Variants in CSMD1 observed in about 807,000 individuals in gnomAD.
The protein encoded by CSMD1 is CUB and sushi domain-containing protein 1.
Under a neutral mutation model 417.5 loss-of-function variants are expected in CSMD1, and 213 were observed. The ratio of observed to expected loss-of-function variants is 0.51; its 90% CI spans 0.46 to 0.57. The LOEUF (loss-of-function observed/expected upper bound fraction) is 0.57. Among genes scored for constraint, CSMD1 ranks in the 20% least tolerant of loss-of-function variants. CSMD1 has a pLI of 0.00. For missense variants in CSMD1, 6,923 were observed against 4,529.7 expected, an observed-to-expected ratio of 1.53 and a Z score of -15.17; for synonymous variants, 2,862 against 1,736.8, an observed-to-expected ratio of 1.65 and a Z score of -16.11.
intron 2 of CSMD1, among the ~76,000 whole-genome samples, chr8:4,598,214 T>A (rs199921850): frequency 6.6e-6 from 1 of 152,176 alleles, no homozygotes; most frequent in East Asian, 1.9e-4. Flanking sequence ...GATGAATATT[T>A]ACATGCCTGA....
At chr8:4,370,025 T>C (rs1230574460) in intron 3 of CSMD1, among the ~76,000 whole-genome samples, 6 of 152,198 alleles carry the variant, frequency 3.9e-5, no homozygotes, top group East Asian at 3.9e-4. Context: ...CTTAGTTGTA[T>C]AGTTGATTTA....
At chr8:3,771,188 C>T (rs1027899917) in intron 5 of CSMD1, among the ~76,000 whole-genome samples, 6 of 152,010 alleles carry the variant, frequency 3.9e-5, no homozygotes, top group Non-Finnish European at 5.9e-5. Context: ...TGGGGAAAAA[C>T]GATGACTACT....
chr8:4,349,069 G>A (rs1034821126), intron 3 of CSMD1, among the ~76,000 whole-genome samples: 1 of 152,184 alleles, frequency 6.6e-6, no homozygotes, highest in South Asian at 2.1e-4. Flanking sequence ...TTATTAACAT[G>A]ACTCATGAAA....
At chr8:4,139,240 A>G (rs141744285) in intron 3 of CSMD1, among the ~76,000 whole-genome samples, 2 of 152,312 alleles carry the variant, frequency 1.3e-5, no homozygotes, top group African/African-American at 4.8e-5. Flanking sequence ...TTAAAGGCGA[A>G]TTTAGCTTCA....
chr8:4,939,149 T>C (rs1807816511), intron 1 of CSMD1, among the ~76,000 whole-genome samples: 1 of 152,220 alleles, frequency 6.6e-6, no homozygotes, highest in Non-Finnish European at 1.5e-5. Flanking sequence ...TTGATGCCAT[T>C]CATTTGTCTA....
At chr8:4,262,015 A>C (rs966986445) in intron 3 of CSMD1, among the ~76,000 whole-genome samples, 13 of 152,310 alleles carry the variant, frequency 8.5e-5, no homozygotes, top group African/African-American at 3.1e-4. Context: ...GAGACTGCTT[A>C]ATCTTTAGTA....
intron 52 of CSMD1, among the ~76,000 whole-genome samples, chr8:3,013,793 A>G (rs1361626742): frequency 6.6e-6 from 1 of 152,008 alleles, no homozygotes; most frequent in African/African-American, 2.4e-5. Context: ...GATCATAGGT[A>G]CCAGATCCAT....
intron 3 of CSMD1, among the ~76,000 whole-genome samples, chr8:4,319,354 T>C (rs531216162): frequency 5.9e-5 from 9 of 152,240 alleles, no homozygotes; most frequent in Admixed American, 3.3e-4. Flanking sequence ...CCTCCTTTCC[T>C]TTTGCTGAAT....
chr8:4,718,173 A>T (rs796392858), intron 1 of CSMD1, among the ~76,000 whole-genome samples: 31 of 152,190 alleles, frequency 2.0e-4, no homozygotes, highest in African/African-American at 7.2e-4. Flanking sequence ...GACAGGGTCT[A>T]CCTATGTAGC....
At chr8:3,363,003 C>G (rs1466178680) in intron 20 of CSMD1, among the ~76,000 whole-genome samples, 1 of 152,196 alleles carries the variant, frequency 6.6e-6, no homozygotes, top group Non-Finnish European at 1.5e-5. Flanking sequence ...AGTTAACATC[C>G]AAGTTACTTA....
intron 3 of CSMD1, among the ~76,000 whole-genome samples, chr8:4,203,154 G>C (rs1012569497): frequency 1.3e-5 from 2 of 152,142 alleles, no homozygotes; most frequent in African/African-American, 2.4e-5. Context: ...TTCTGGCTCA[G>C]GTCAGAGGGA....
At chr8:4,647,350 G>A (rs1019553588) in intron 1 of CSMD1, among the ~76,000 whole-genome samples, 7 of 150,760 alleles carry the variant, frequency 4.6e-5, no homozygotes, top group Non-Finnish European at 7.4e-5. Flanking sequence ...GTAGGTACGC[G>A]TGTGCCACGG....
chr8:3,168,210 T>C (rs1381558755), intron 37 of CSMD1, among the ~76,000 whole-genome samples: 1 of 152,062 alleles, frequency 6.6e-6, no homozygotes, highest in East Asian at 1.9e-4. Context: ...GACACCTGAG[T>C]ATTCAACGCC....
chr8:4,246,158 A>G (rs747214157), intron 3 of CSMD1, among the ~76,000 whole-genome samples: 1 of 152,080 alleles, frequency 6.6e-6, no homozygotes, highest in Non-Finnish European at 1.5e-5. Flanking sequence ...TATTTTCCTG[A>G]TCCCCTCTTT....
At chr8:4,596,924 G>A (rs1305644186) in intron 2 of CSMD1, among the ~76,000 whole-genome samples, 1 of 152,122 alleles carries the variant, frequency 6.6e-6, no homozygotes, top group Non-Finnish European at 1.5e-5. Context: ...GTTTATCAGG[G>A]GTTTCCGCTT....
chr8:4,710,718 G>A (rs1040512713), intron 1 of CSMD1, among the ~76,000 whole-genome samples: 1 of 151,758 alleles, frequency 6.6e-6, no homozygotes, highest in East Asian at 1.9e-4. Flanking sequence ...GGGGCCACAT[G>A]CCTGTAATCC....
intron 7 of CSMD1, among the ~76,000 whole-genome samples, chr8:3,652,530 T>A (rs1036347792): frequency 2.6e-5 from 4 of 152,220 alleles, no homozygotes; most frequent in African/African-American, 9.6e-5. Flanking sequence ...CATTTCAGCA[T>A]GGCTGGGGAG....
intron 15 of CSMD1, among the ~76,000 whole-genome samples, chr8:3,404,438 C>G (rs917201651): frequency 2.6e-5 from 4 of 151,988 alleles, no homozygotes; most frequent in Admixed American, 1.3e-4. Flanking sequence ...GGATCATGCC[C>G]CCACCATACT....
chr8:3,706,317 T>C (rs1801167511), intron 7 of CSMD1, among the ~76,000 whole-genome samples: 1 of 152,252 alleles, frequency 6.6e-6, no homozygotes, highest in South Asian at 2.1e-4. Context: ...CTTGCACAGC[T>C]ATTGAATGCT....
Sources: allele counts gnomAD v4.1 joint callset (sites outside exome capture counted in the v4.1 genomes callset), GRCh38; gene constraint gnomAD v4.1.1; transcripts MANE v1.5; gene names NCBI Gene and HGNC (gene_info 2026-07-23, HGNC 2026-07-21).